MARF1: variants seen among roughly 807,000 people sequenced by gnomAD.
The protein encoded by MARF1 is limkain-b1.
Under a neutral mutation model 168.2 loss-of-function variants are expected in MARF1, and 24 were observed. The observed-to-expected ratio is 0.14, with a 90% CI of 0.10 to 0.20. The LOEUF (loss-of-function observed/expected upper bound fraction) is 0.20. Among genes scored for constraint, MARF1 ranks in the 10% least tolerant of loss-of-function variants. The pLI, the probability that MARF1 is intolerant of heterozygous loss-of-function variation, is 1.00. For missense variants in MARF1, 1,744 were observed against 2,143.6 expected, an observed-to-expected ratio of 0.81 and a Z score of 3.68; for synonymous variants, 868 against 822.4, an observed-to-expected ratio of 1.06 and a Z score of -0.95.
At chr16:15,619,424 CCTT>C (rs1222731510) in intron 13 of MARF1, among the ~76,000 whole-genome samples, 1 of 152,214 alleles carries the variant, frequency 6.6e-6, no homozygotes, top group African/African-American at 2.4e-5. Context: ...CTCTCTGCCT[CCTT>C]CTCTCCCCTG....
intron 12 of MARF1, chr16:15,621,406 C>A: frequency 6.8e-6 from 2 of 293,250 alleles, no homozygotes; most frequent in South Asian, 5.9e-5. Context: ...CTACCTTCTA[C>A]CTAAGATCTC....
In MARF1 at chr16:15,643,073, C is replaced by G. The variant is rs533952301; in HGVS notation, c.-114G>C. The G allele has an allele frequency of 3.6e-6, 1 of 279,554 alleles. No homozygotes were observed. Among genetic ancestry groups the G allele is most frequent in the Non-Finnish European group, 6.9e-6 (1 of 143,932 alleles). 17.3% of individuals were successfully genotyped at this position (279,554 alleles called of 1,614,324 possible). On this transcript the variant is annotated 5_prime_UTR_variant, in exon 1 of 27. Coordinates refer to ENST00000396368, the MANE Select transcript of MARF1 (RefSeq NM_014647.4). ...TCCGGCCCCGCCGCCTTCCCCCCGC[C>G]CCCCCCAGGCCCTTTGTTTTGATTC... is the stretch of plus-strand genomic sequence containing the variant.
At chr16:15,597,554 C>T (rs1435725321) in intron 26 of MARF1, among the ~76,000 whole-genome samples, 7 of 152,314 alleles carry the variant, frequency 4.6e-5, no homozygotes, top group South Asian at 2.1e-4. Flanking sequence ...CACAGGGCCA[C>T]GCTGCTTGAA....
Position 15,625,809 on chromosome 16 carries a change from G to A in MARF1, c.1525-9C>T. On this transcript the variant is annotated splice_polypyrimidine_tract_variant and intron_variant, in intron 7 of 26. Coordinates refer to ENST00000396368, the MANE Select transcript of MARF1 (RefSeq NM_014647.4). ...AGCAGAGTGTGGCACTGCTAATACA[G>A]AGGAAAGAAGTGTTACGTCAGGTTA... is the stretch of plus-strand genomic sequence containing the variant. The A allele has an allele frequency of 6.2e-7, 1 of 1,602,486 alleles. No homozygotes were observed. The highest frequency in any genetic ancestry group is 8.5e-7 in the Non-Finnish European group (1 of 1,172,258).
chr16:15,636,390 T>A (rs751822428), intron 2 of MARF1, 48 bp from the exon 3 acceptor site: 1 of 1,438,352 alleles, frequency 7.0e-7, no homozygotes, highest in Non-Finnish European at 9.4e-7. Flanking sequence ...AGGTCCGTGG[T>A]TTTTTGGTTA....
intron 22 of MARF1, among the ~76,000 whole-genome samples, chr16:15,603,900 C>T (rs1023836104): frequency 6.6e-6 from 1 of 152,102 alleles, no homozygotes; most frequent in Non-Finnish European, 1.5e-5. Flanking sequence ...AAACACACCC[C>T]AGAGCCAGGA....
At chr16:15,638,160 G>A (rs560653070) in intron 2 of MARF1, among the ~76,000 whole-genome samples, 2 of 151,940 alleles carry the variant, frequency 1.3e-5, no homozygotes, top group South Asian at 4.2e-4. Context: ...CCGAGACTCT[G>A]TCTCAAAAAA....
chr16:15,627,029 G>A (rs1014191947), intron 7 of MARF1, among the ~76,000 whole-genome samples: 3 of 151,420 alleles, frequency 2.0e-5, no homozygotes, highest in African/African-American at 7.3e-5. Flanking sequence ...AAAAGAGAGA[G>A]AGAGAGAGAA....
intron 11 of MARF1, among the ~76,000 whole-genome samples, chr16:15,622,652 G>C (rs1279483672): frequency 1.3e-5 from 2 of 152,194 alleles, no homozygotes; most frequent in Non-Finnish European, 2.9e-5. Flanking sequence ...CAAAGTGCTG[G>C]AATTACAGGC....
intron 11 of MARF1, among the ~76,000 whole-genome samples, 199 bp downstream of exon 11, chr16:15,622,735 G>T (rs916980560): frequency 6.6e-6 from 1 of 152,142 alleles, no homozygotes; most frequent in Non-Finnish European, 1.5e-5. Context: ...ACTGCTAGGC[G>T]TCTTGCTCTC....
intron 10 of MARF1, 49 bp from the exon 11 acceptor site, chr16:15,623,172 A>G (rs887071381): frequency 1.4e-6 from 2 of 1,401,468 alleles, no homozygotes; most frequent in South Asian, 1.6e-5. Context: ...TGTTCTGTAT[A>G]TTTAGATTTT....
chr16:15,639,336 T>A, intron 1 of MARF1, 45 bp from the exon 2 acceptor site: 1 of 1,244,650 alleles, frequency 8.0e-7, no homozygotes. Flanking sequence ...CTTGCATAAG[T>A]ACAAATTTTA....
chr16:15,622,039 T>C (rs2034499423), intron 11 of MARF1, 128 bp from the exon 12 acceptor site: 11 of 758,878 alleles, frequency 1.4e-5, no homozygotes, highest in Non-Finnish European at 2.3e-5. Flanking sequence ...ATGTCTGAAC[T>C]CTGCTCTTCT....
At chr16:15,639,956 G>C (rs2035843103) in intron 1 of MARF1, among the ~76,000 whole-genome samples, 2 of 152,252 alleles carry the variant, frequency 1.3e-5, no homozygotes, top group African/African-American at 4.8e-5. Flanking sequence ...GTTTGAGAGA[G>C]GTAGCCATAT....
intron 12 of MARF1, 58 bp downstream of exon 12, chr16:15,621,675 A>G (rs1242942924): frequency 1.3e-6 from 2 of 1,509,680 alleles, no homozygotes; most frequent in Non-Finnish European, 1.8e-6. Context: ...TATTATTTCT[A>G]AAATTGTTTC....
intron 5 of MARF1, among the ~76,000 whole-genome samples, chr16:15,632,250 A>C (rs1300344655): frequency 6.6e-6 from 1 of 152,224 alleles, no homozygotes; most frequent in Non-Finnish European, 1.5e-5. Context: ...GCTTCTGCCA[A>C]CAATTTGGAG....
intron 26 of MARF1, among the ~76,000 whole-genome samples, chr16:15,597,752 T>A (rs1308194149): frequency 6.6e-6 from 1 of 152,112 alleles, no homozygotes; most frequent in African/African-American, 2.4e-5. Flanking sequence ...TCTTGTCCGG[T>A]GCATGCAGTT....
At chr16:15,632,536 C>T (rs1458174106) in intron 5 of MARF1, among the ~76,000 whole-genome samples, 1 of 152,140 alleles carries the variant, frequency 6.6e-6, no homozygotes, top group Non-Finnish European at 1.5e-5. Flanking sequence ...CCCTGGATGG[C>T]TTTCAGGATC....
Position 15,632,420 on chromosome 16 carries a change from T to G in MARF1, c.1234-922A>C, listed in dbSNP as rs1267256914. ...GCAGCTGGAAGCCATAGTTTTTAGT[T>G]TCCGTCCCTACTAATAAGCAGAAAA... On this transcript the variant is annotated intron_variant, in intron 5 of 26. Coordinates refer to ENST00000396368, the MANE Select transcript of MARF1 (RefSeq NM_014647.4). Among the ~76,000 whole-genome samples the G allele has an allele frequency of 3.3e-5, 5 of 152,180 alleles. No homozygotes were observed. In the East Asian group the frequency reaches 9.6e-4, roughly 29 times the overall value.
Sources: gnomAD v4.1 joint callset for allele counts (sites outside exome capture counted in the v4.1 genomes callset) on GRCh38, gnomAD v4.1.1 for gene constraint, MANE v1.5 for transcripts, NCBI Gene and HGNC (gene_info 2026-07-23, HGNC 2026-07-21) for gene names.